SMAD6: variants seen among roughly 807,000 people sequenced by gnomAD.
SMAD6 encodes MAD homolog 6.
SMAD6 carries 103 observed loss-of-function variants against 39.4 expected under a neutral mutation model. The observed-to-expected ratio is 2.62, with a 90% CI of 2.23 to 3.08. The LOEUF is 3.08. Among genes scored for constraint, SMAD6 ranks in the 30% most tolerant of loss-of-function variants. The pLI is 0.00. For missense variants in SMAD6, 1,104 were observed against 742.9 expected (o/e 1.49, Z -5.65); for synonymous variants, 445 against 353.3 (o/e 1.26, Z -2.91).
intron 3 of SMAD6, among the ~76,000 whole-genome samples, chr15:66,755,617 T>C (rs1349006521): frequency 1.3e-5 from 2 of 152,150 alleles, no homozygotes; most frequent in East Asian, 3.9e-4. Context: ...GTGTCTGCAA[T>C]TGCTTACGGG....
intron 3 of SMAD6, among the ~76,000 whole-genome samples, chr15:66,767,788 C>T (rs189686085): frequency 6.1e-4 from 93 of 152,228 alleles, no homozygotes; most frequent in African/African-American, 2.1e-3. Flanking sequence ...CGAGGCAATC[C>T]TCACTTTAAG....
chr15:66,739,956 C>G (rs951397629), intron 3 of SMAD6, among the ~76,000 whole-genome samples: 1 of 152,186 alleles, frequency 6.6e-6, no homozygotes, highest in African/African-American at 2.4e-5. Flanking sequence ...TTAAAAAATA[C>G]AGTTTTGCGT....
intron 3 of SMAD6, among the ~76,000 whole-genome samples, chr15:66,725,804 T>G (rs1304502822): frequency 6.6e-6 from 1 of 152,120 alleles, no homozygotes; most frequent in African/African-American, 2.4e-5. Flanking sequence ...GGTACAGCTG[T>G]CTGACTCCAG....
intron 3 of SMAD6, among the ~76,000 whole-genome samples, chr15:66,730,497 T>C (rs1185841988): frequency 1.3e-5 from 2 of 152,198 alleles, no homozygotes; most frequent in African/African-American, 4.8e-5. Flanking sequence ...GAGTGACTTT[T>C]GGGCAGGACC....
chr15:66,702,956 C>T lies in SMAD6; in HGVS notation c.-303C>T, dbSNP rs989376831. ...TTTCTGGCGGCGCGCCGCCTGCAGC[C>T]CCCCTAAAGCGCGGGGGCTGGAGTT... On this transcript the variant is annotated 5_prime_UTR_variant, in exon 1 of 4. Coordinates refer to ENST00000288840, the MANE Select transcript of SMAD6 (RefSeq NM_005585.5). 7.3e-6 allele frequency: 2 copies of T among 274,390 alleles called. No homozygotes were observed. The highest frequency in any genetic ancestry group is 1.4e-5 in the Non-Finnish European group (2 of 146,102). 17.0% of individuals were successfully genotyped at this position (274,390 alleles called of 1,614,324 possible).
Position 66,750,309 on chromosome 15 carries a change from C to T in SMAD6, c.953-30688C>T, listed in dbSNP as rs919570217. 8.5e-5 allele frequency among the ~76,000 whole-genome samples: 13 copies of T among 152,290 alleles called. No individual in the cohort carries two copies. The East Asian group carries it at 1.3e-3, about 16-fold the overall frequency. ...CATAAACTGTTGCATATCTTAGCTC[C>T]GAGTTAGACTGGGGGTGCCTTGAGG... On this transcript the variant is annotated intron_variant, in intron 3 of 3. Transcript: ENST00000288840.
intron 3 of SMAD6, among the ~76,000 whole-genome samples, chr15:66,735,072 C>T (rs748205566): frequency 1.6e-4 from 24 of 152,200 alleles, no homozygotes; most frequent in Non-Finnish European, 3.4e-4. Context: ...TCATGCCATC[C>T]CCTGCTTTTA....
At chr15:66,765,137 T>C (rs1040867759) in intron 3 of SMAD6, among the ~76,000 whole-genome samples, 1 of 152,176 alleles carries the variant, frequency 6.6e-6, no homozygotes, top group African/African-American at 2.4e-5. Flanking sequence ...TTATCCCCAC[T>C]ACCCCAGTCA....
chr15:66,752,826 C>T (rs1176386109), intron 3 of SMAD6, among the ~76,000 whole-genome samples: 1 of 151,870 alleles, frequency 6.6e-6, no homozygotes, highest in Non-Finnish European at 1.5e-5. Flanking sequence ...ATACAGAAAG[C>T]TTTTATAAAA....
chr15:66,720,446 T>G (rs1260073443), intron 3 of SMAD6, among the ~76,000 whole-genome samples: 2 of 152,042 alleles, frequency 1.3e-5, no homozygotes, highest in East Asian at 3.9e-4. Flanking sequence ...CTGGGTGAGC[T>G]CTGAGTCACT....
intron 3 of SMAD6, among the ~76,000 whole-genome samples, chr15:66,731,757 G>T (rs890216915): frequency 5.3e-5 from 8 of 152,144 alleles, no homozygotes; most frequent in African/African-American, 1.9e-4. Flanking sequence ...AGGATTGCTG[G>T]GTATATGGTT....
intron 2 of SMAD6, among the ~76,000 whole-genome samples, chr15:66,714,829 C>T (rs1220238463): frequency 6.6e-6 from 1 of 152,156 alleles, no homozygotes; most frequent in Non-Finnish European, 1.5e-5. Flanking sequence ...AGGTGGAAAC[C>T]GCTTGTCGTT....
Position 66,720,495 on chromosome 15 carries a change from G to A in SMAD6, c.952+3997G>A, listed in dbSNP as rs551834621. 9.2e-5 allele frequency among the ~76,000 whole-genome samples: 14 copies of A among 152,226 alleles called. 1 individual carries two copies. In the South Asian group the frequency reaches 2.5e-3, roughly 27 times the overall value. On this transcript the variant is annotated intron_variant, in intron 3 of 3. Coordinates refer to ENST00000288840, the MANE Select transcript of SMAD6 (RefSeq NM_005585.5). ...AAGTGGCAGGGCTGCTTAAGCACCCGGGCCTGCCTGACTCCATGCTGTGGG... is the reference window on the plus strand; with the variant it reads ...AAGTGGCAGGGCTGCTTAAGCACCCAGGCCTGCCTGACTCCATGCTGTGGG...
At chr15:66,723,797 T>G (rs1893476235) in intron 3 of SMAD6, among the ~76,000 whole-genome samples, 1 of 152,210 alleles carries the variant, frequency 6.6e-6, no homozygotes, top group South Asian at 2.1e-4. Context: ...GACCTTCCCC[T>G]CTAGGAGCTG....
At chr15:66,731,674 T>G (rs941596804) in intron 3 of SMAD6, among the ~76,000 whole-genome samples, 12 of 152,368 alleles carry the variant, frequency 7.9e-5, no homozygotes, top group African/African-American at 2.9e-4. Flanking sequence ...CCAGTTTTTT[T>G]GGCTACAAAG....
At chr15:66,732,349 C>T (rs1318685785) in intron 3 of SMAD6, among the ~76,000 whole-genome samples, 3 of 152,006 alleles carry the variant, frequency 2.0e-5, no homozygotes, top group African/African-American at 4.8e-5. Flanking sequence ...CAAATCTTTG[C>T]ACTTCCCCTC....
At chr15:66,716,804 G>C (rs1893339382) in intron 3 of SMAD6, among the ~76,000 whole-genome samples, 1 of 152,238 alleles carries the variant, frequency 6.6e-6, no homozygotes, top group Admixed American at 6.5e-5. Context: ...TTCGTGTTTA[G>C]AAAGAGATCC....
intron 1 of SMAD6, chr15:66,707,628 C>G (rs980996016): frequency 1.3e-5 from 2 of 152,254 alleles, no homozygotes; most frequent in Non-Finnish European, 2.9e-5. Flanking sequence ...GCCAGCCGGC[C>G]GCGCTGTTTA....
chr15:66,729,554 G>T (rs544438257), intron 3 of SMAD6, among the ~76,000 whole-genome samples: 1 of 152,284 alleles, frequency 6.6e-6, no homozygotes, highest in South Asian at 2.1e-4. Context: ...TTGGATTTCA[G>T]GGTGACAGCG....
Sources: allele counts gnomAD v4.1 joint callset (sites outside exome capture counted in the v4.1 genomes callset), GRCh38; gene constraint gnomAD v4.1.1; transcripts MANE v1.5; gene names NCBI Gene and HGNC (gene_info 2026-07-23, HGNC 2026-07-21).